RPS6KC1: variants seen among roughly 807,000 people sequenced by gnomAD.
The protein encoded by RPS6KC1 is inactive ribosomal protein S6 kinase delta-1.
In RPS6KC1, 54 loss-of-function variants were observed where a neutral mutation model predicts 103.8. The observed-to-expected ratio is 0.52, with a 90% CI of 0.42 to 0.65. The LOEUF (loss-of-function observed/expected upper bound fraction) is 0.65. Ranked by LOEUF, RPS6KC1 falls within the 30% of genes least tolerant of loss-of-function variation. The probability of loss-of-function intolerance (pLI) is 0.00; values close to 1 mark genes in which losing one functional copy is unlikely to be tolerated. For missense variants in RPS6KC1, 1,151 were observed against 1,253.8 expected, an observed-to-expected ratio of 0.92 and a Z score of 1.24; for synonymous variants, 439 against 438.7, an observed-to-expected ratio of 1.00 and a Z score of -0.01.
chr1:213,640,240 G>A, the RPS6KC1 span, among the ~76,000 whole-genome samples: 2 of 151,898 alleles, frequency 1.3e-5, no homozygotes, highest in African/African-American at 4.8e-5. Context: ...GGTCTGCAGT[G>A]ATATCCCCTA....
intron 8 of RPS6KC1, among the ~76,000 whole-genome samples, chr1:213,219,096 T>C (rs1353229369): frequency 6.6e-6 from 1 of 152,016 alleles, no homozygotes; most frequent in African/African-American, 2.4e-5. Context: ...TGGGAGAAAA[T>C]TTCTGCAATC....
chr1:213,722,606 C>T, the RPS6KC1 span, among the ~76,000 whole-genome samples: 4 of 152,110 alleles, frequency 2.6e-5, no homozygotes, highest in African/African-American at 7.2e-5. Context: ...CACATTGTTC[C>T]TGCTAGATGA....
chr1:213,752,450 T>C, the RPS6KC1 span, among the ~76,000 whole-genome samples: 1 of 152,288 alleles, frequency 6.6e-6, no homozygotes, highest in East Asian at 1.9e-4. Flanking sequence ...GTTTGCCAGC[T>C]CTTAACCTAG....
At chr1:213,346,220 G>A in the RPS6KC1 span, among the ~76,000 whole-genome samples, 1 of 152,176 alleles carries the variant, frequency 6.6e-6, no homozygotes, top group East Asian at 1.9e-4. Context: ...GAGGACTGAT[G>A]TATTATAAGC....
the RPS6KC1 span, among the ~76,000 whole-genome samples, chr1:213,525,320 A>G: frequency 2.6e-5 from 4 of 152,164 alleles, no homozygotes; most frequent in East Asian, 5.8e-4. Context: ...GGGTGACCCC[A>G]AAGTGCAAGG....
the RPS6KC1 span, among the ~76,000 whole-genome samples, chr1:213,847,329 A>G: frequency 2.6e-3 from 399 of 152,228 alleles, 4 homozygotes; most frequent in African/African-American, 9.3e-3. Flanking sequence ...TCCTTTTAGC[A>G]AGGAAAGACC....
intron 14 of RPS6KC1, 36 bp downstream of exon 14, chr1:213,262,852 C>T (rs1277412832): frequency 4.0e-6 from 5 of 1,254,938 alleles, no homozygotes; most frequent in Non-Finnish European, 5.9e-6. Context: ...GTTTATCAAC[C>T]ATGCAGATTA....
At chr1:213,356,404 C>G in the RPS6KC1 span, among the ~76,000 whole-genome samples, 5 of 151,836 alleles carry the variant, frequency 3.3e-5, no homozygotes, top group African/African-American at 1.2e-4. Context: ...GCCTGTAATC[C>G]CAGCACTTTG....
the RPS6KC1 span, among the ~76,000 whole-genome samples, chr1:213,455,271 C>G: frequency 3.9e-5 from 6 of 151,912 alleles, no homozygotes; most frequent in Non-Finnish European, 2.9e-5. Context: ...GGCGGTGGAT[C>G]GTAACCAGGA....
intron 6 of RPS6KC1, among the ~76,000 whole-genome samples, chr1:213,131,287 AATTC>A (rs1279852811): frequency 3.3e-5 from 5 of 152,238 alleles, no homozygotes; most frequent in African/African-American, 1.2e-4. Context: ...ATTGATTCTA[AATTC>A]ATTTCTCATT....
chr1:213,329,876 A>G, the RPS6KC1 span, among the ~76,000 whole-genome samples: 1 of 151,614 alleles, frequency 6.6e-6, no homozygotes, highest in Non-Finnish European at 1.5e-5. Context: ...ATCTCCTCCT[A>G]CCCTTCCTTT....
the RPS6KC1 span, among the ~76,000 whole-genome samples, chr1:213,726,743 T>C: frequency 2.6e-5 from 4 of 152,340 alleles, no homozygotes; most frequent in African/African-American, 4.8e-5. Context: ...GTGTGTGTCT[T>C]AGTAAATGAT....
the RPS6KC1 span, among the ~76,000 whole-genome samples, chr1:213,724,412 A>C: frequency 6.6e-6 from 1 of 152,170 alleles, no homozygotes; most frequent in Non-Finnish European, 1.5e-5. Flanking sequence ...CTTTGTTTAA[A>C]GCCACAAATG....
At chr1:213,292,269 AATTAAAAAAC>A in the RPS6KC1 span, among the ~76,000 whole-genome samples, 38 of 152,018 alleles carry the variant, frequency 2.5e-4, 1 homozygote, top group Non-Finnish European at 2.1e-4. Context: ...AATTAAATTA[AATTAAAAAAC>A]AAAACAAAAC....
chr1:213,760,625 T>A, the RPS6KC1 span, among the ~76,000 whole-genome samples: 1 of 152,234 alleles, frequency 6.6e-6, no homozygotes, highest in South Asian at 2.1e-4. Context: ...CAGGAAAATA[T>A]GTATTCAGAC....
rs147823242 is a variant in RPS6KC1 at position 213,242,633 on chromosome 1, C to T, written c.2886C>T (p.Ala962=). 2.4e-4 allele frequency: 388 copies of T among 1,612,662 alleles called. 2 individuals carry two copies. The African/African-American group carries it at 4.3e-3, about 18-fold the overall frequency. The part of the protein sequence containing the change: ...SEVEDSCDSD[A]IERMYCAPEV... ...TTGAAGATTCCTGTGACAGCGATGC[C>T]ATAGAGAGAATGTACTGTGCCCCAG... Residue 962 remains alanine (A), a synonymous_variant, in exon 12 of 15, where the codon GCC becomes GCT. Transcript: ENST00000366960.
At chr1:213,742,678 G>A in the RPS6KC1 span, among the ~76,000 whole-genome samples, 1 of 152,254 alleles carries the variant, frequency 6.6e-6, no homozygotes, top group African/African-American at 2.4e-5. Context: ...CCAGACCCAT[G>A]TGGGGCTCTT....
rs754445119 is a variant in RPS6KC1, at chr1:213,241,517, GT to G, written c.2042del (p.Val681AlafsTer13). 6.2e-7 allele frequency: 1 copy of G among 1,613,986 alleles called. No homozygotes were observed. The highest frequency in any genetic ancestry group is 1.1e-5 in the South Asian group (1 of 91,080). On this transcript the variant is annotated frameshift_variant, in exon 11 of 15. Coordinates refer to ENST00000366960, the MANE Select transcript of RPS6KC1 (RefSeq NM_012424.6). LOFTEE classifies it high-confidence loss of function. ...ATTTAAAGATGCTGCTTTTGATGAT[GT>G]CAGTGGTACTGATGAAGGAAGACCT... ...ISFKDAAFDD[V>X]SGTDEGRPDL...
At chr1:213,053,877 C>A (rs1474736855) in intron 1 of RPS6KC1, among the ~76,000 whole-genome samples, 1 of 151,484 alleles carries the variant, frequency 6.6e-6, no homozygotes, top group Non-Finnish European at 1.5e-5. Context: ...CGCTCTCTTG[C>A]CCAGGCTGGA....
Sources: allele counts gnomAD v4.1 joint callset (sites outside exome capture counted in the v4.1 genomes callset), GRCh38; gene constraint gnomAD v4.1.1; transcripts MANE v1.5; gene names NCBI Gene and HGNC (gene_info 2026-07-23, HGNC 2026-07-21).